Variants in ASPRV1 observed in about 807,000 individuals in gnomAD.
The protein encoded by ASPRV1 is retroviral-like aspartic protease 1.
ASPRV1 carries 7 observed loss-of-function variants against 11.0 expected under a neutral mutation model. The ratio of observed to expected loss-of-function variants is 0.64; its 90% CI spans 0.36 to 1.20. The LOEUF is 1.20. ASPRV1 is among the 50% of genes most tolerant of loss of function. The probability of loss-of-function intolerance (pLI) is 0.02; values close to 1 mark genes in which losing one functional copy is unlikely to be tolerated. For synonymous variants in ASPRV1, 136 were observed against 138.4 expected, an observed-to-expected ratio of 0.98 and a Z score of 0.12; for missense variants, 299 against 320.0, an observed-to-expected ratio of 0.93 and a Z score of 0.50.
chr2:70,078,082 G>A, the ASPRV1 span, among the ~76,000 whole-genome samples: 1 of 152,020 alleles, frequency 6.6e-6, no homozygotes, highest in Non-Finnish European at 1.5e-5. Context: ...CAGGAGACCC[G>A]GGAGGCGGAA....
downstream of ASPRV1, among the ~76,000 whole-genome samples, chr2:69,956,479 A>AGAAGAAGAAGAAG (rs1677942633): frequency 7.6e-6 from 1 of 132,010 alleles, no homozygotes; most frequent in African/African-American, 3.6e-5. Context: ...AGAAGAAGAA[A>AGAAGAAGAAGAAG]AGAGGAAGAA....
the ASPRV1 span, among the ~76,000 whole-genome samples, chr2:69,972,212 C>T: frequency 6.6e-6 from 1 of 151,706 alleles, no homozygotes; most frequent in African/African-American, 2.4e-5. Context: ...TAGGCGCCCA[C>T]CACCACGCCT....
At chr2:69,954,817 C>T in the ASPRV1 span, among the ~76,000 whole-genome samples, 3 of 152,182 alleles carry the variant, frequency 2.0e-5, no homozygotes, top group Non-Finnish European at 2.9e-5. Flanking sequence ...TAAGCCCTGC[C>T]TGCCTCCCTC....
chr2:69,937,409 C>G, the ASPRV1 span: 1 of 1,587,360 alleles, frequency 6.3e-7, no homozygotes, highest in Non-Finnish European at 8.6e-7. Flanking sequence ...GCCTCTCTCA[C>G]TCTCCTCCCT....
At chr2:70,042,459 A>ACAG in the ASPRV1 span, among the ~76,000 whole-genome samples, 2 of 152,354 alleles carry the variant, frequency 1.3e-5, no homozygotes, top group African/African-American at 4.8e-5. Context: ...TGAGGGACTG[A>ACAG]CAGCAGGGCT....
At chr2:69,965,805 T>C (rs908607855), upstream of ASPRV1, among the ~76,000 whole-genome samples, 1 of 152,186 alleles carries the variant, frequency 6.6e-6, no homozygotes, top group African/African-American at 2.4e-5. Context: ...ACCCCCATCT[T>C]GGTCCCTGCC....
chr2:70,004,484 C>T, the ASPRV1 span, among the ~76,000 whole-genome samples: 3 of 140,716 alleles, frequency 2.1e-5, no homozygotes, highest in South Asian at 2.3e-4. Flanking sequence ...GAGCTGAGAT[C>T]GTGCCACTGT....
the ASPRV1 span, among the ~76,000 whole-genome samples, chr2:70,079,411 TAC>T: frequency 6.6e-6 from 1 of 152,090 alleles, no homozygotes; most frequent in South Asian, 2.1e-4. Context: ...AATTCAAGGC[TAC>T]AGTCAACTAT....
At chr2:69,945,667 C>T in the ASPRV1 span, among the ~76,000 whole-genome samples, 3 of 152,220 alleles carry the variant, frequency 2.0e-5, no homozygotes, top group Non-Finnish European at 4.4e-5. Flanking sequence ...TGGGTGAAGG[C>T]AGCGTGTCTG....
the ASPRV1 span, among the ~76,000 whole-genome samples, chr2:70,040,613 A>T: frequency 6.6e-6 from 1 of 152,140 alleles, no homozygotes; most frequent in Non-Finnish European, 1.5e-5. Flanking sequence ...AGGCAGGTGG[A>T]TCATGAGGTC....
chr2:70,057,857 A>G, the ASPRV1 span, among the ~76,000 whole-genome samples: 1 of 147,434 alleles, frequency 6.8e-6, no homozygotes, highest in Admixed American at 6.8e-5. Context: ...GCAGTGGCAC[A>G]ATCTCAGCTC....
At chr2:70,064,465 T>C in the ASPRV1 span, among the ~76,000 whole-genome samples, 1 of 152,214 alleles carries the variant, frequency 6.6e-6, no homozygotes, top group African/African-American at 2.4e-5. Context: ...TGCAGAGTTG[T>C]AGGATCAAGG....
chr2:70,005,806 G>A, the ASPRV1 span, among the ~76,000 whole-genome samples: 290 of 152,138 alleles, frequency 1.9e-3, 2 homozygotes, highest in Non-Finnish European at 2.8e-3. Flanking sequence ...AGGGAAATTC[G>A]CATCTACTCA....
chr2:69,936,769 T>C, the ASPRV1 span, among the ~76,000 whole-genome samples: 1 of 152,192 alleles, frequency 6.6e-6, no homozygotes, highest in Non-Finnish European at 1.5e-5. Context: ...TTAATTGAGA[T>C]TTGGCATGAC....
chr2:70,029,652 AC>A, the ASPRV1 span, among the ~76,000 whole-genome samples: 2 of 152,094 alleles, frequency 1.3e-5, no homozygotes, highest in South Asian at 2.1e-4. Context: ...ACAAAACAAA[AC>A]AAAATAGGAG....
At chr2:70,021,669 C>A in the ASPRV1 span, among the ~76,000 whole-genome samples, 1 of 150,964 alleles carries the variant, frequency 6.6e-6, no homozygotes, top group African/African-American at 2.4e-5. Context: ...CTATAGTTAA[C>A]AATACGGTAT....
chr2:70,034,339 C>T, the ASPRV1 span, among the ~76,000 whole-genome samples: 3 of 151,548 alleles, frequency 2.0e-5, no homozygotes, highest in East Asian at 5.9e-4. Flanking sequence ...GAGGCCGAGG[C>T]GGGCAGAACA....
At chr2:69,948,687 G>A in the ASPRV1 span, among the ~76,000 whole-genome samples, 1 of 152,148 alleles carries the variant, frequency 6.6e-6, no homozygotes, top group Non-Finnish European at 1.5e-5. Context: ...GTCTCAGGAA[G>A]AGGCCCCGAG....
upstream of ASPRV1, chr2:69,962,181 C>T (rs1344950614): frequency 6.4e-6 from 1 of 156,848 alleles, no homozygotes; most frequent in Non-Finnish European, 1.5e-5. Context: ...CAGAAATGGT[C>T]TTTTTTAAGT....
Sources: gnomAD v4.1 joint callset for allele counts (sites outside exome capture counted in the v4.1 genomes callset) on GRCh38, gnomAD v4.1.1 for gene constraint, MANE v1.5 for transcripts, NCBI Gene and HGNC (gene_info 2026-07-23, HGNC 2026-07-21) for gene names.